Variants in VAMP7 observed in about 807,000 individuals in gnomAD.
The protein encoded by VAMP7 is vesicle-associated membrane protein 7.
VAMP7 carries 14 observed loss-of-function variants against 29.6 expected under a neutral mutation model. The observed-to-expected ratio is 0.47, with a 90% confidence interval of 0.31 to 0.74. The LOEUF (loss-of-function observed/expected upper bound fraction) is 0.74. Ranked by LOEUF, VAMP7 falls within the 30% of genes least tolerant of loss-of-function variation. VAMP7 has a pLI of 0.05. For synonymous variants in VAMP7, 95 were observed against 88.1 expected (o/e 1.08, Z -0.44); for missense variants, 223 against 262.4 (o/e 0.85, Z 1.04).
At position 155,893,221 on chromosome X, in the gene VAMP7, G is replaced by A. The variant is rs750896554; in HGVS notation, c.147-2402G>A. ...GGGGAAAGTGATGACTTTCATTCTG[G>A]GCATGTCATGTTTAAGCTGTCTATG... On this transcript the variant is annotated intron_variant, in intron 2 of 7. Coordinates refer to ENST00000286448, the MANE Select transcript of VAMP7 (RefSeq NM_005638.6). 7.9e-5 allele frequency among the ~76,000 whole-genome samples: 12 copies of A among 152,122 alleles called. 1 individual carries two copies. In the South Asian group the frequency reaches 2.5e-3, roughly 32 times the overall value.
intron 6 of VAMP7, among the ~76,000 whole-genome samples, chrX:155,928,886 G>A (rs1486637255): frequency 6.6e-6 from 1 of 152,272 alleles, no homozygotes; most frequent in Non-Finnish European, 1.5e-5. Flanking sequence ...GGATTTATTA[G>A]TTTCATTCCT....
At chrX:155,936,806 C>T (rs771315918) in intron 6 of VAMP7, among the ~76,000 whole-genome samples, 35 of 152,194 alleles carry the variant, frequency 2.3e-4, no homozygotes, top group Non-Finnish European at 4.1e-4. Context: ...TGGAGCTGTT[C>T]CTATTTGGCC....
chrX:155,922,809 G>A (rs1241500574), intron 6 of VAMP7, among the ~76,000 whole-genome samples: 2 of 151,976 alleles, frequency 1.3e-5, no homozygotes, highest in East Asian at 1.9e-4. Context: ...AGCAGATTGG[G>A]CCTCGAGTTT....
intron 4 of VAMP7, among the ~76,000 whole-genome samples, chrX:155,899,850 CAT>C (rs1226342344): frequency 6.6e-6 from 1 of 152,026 alleles, no homozygotes; most frequent in Non-Finnish European, 1.5e-5. Flanking sequence ...AGCATCGTTT[CAT>C]AGAGTTTTGG....
intron 6 of VAMP7, among the ~76,000 whole-genome samples, chrX:155,920,540 G>C (rs1482805514): frequency 2.6e-5 from 4 of 152,170 alleles, no homozygotes; most frequent in Non-Finnish European, 5.9e-5. Flanking sequence ...TTTACACCTT[G>C]AAAGAAAACA....
At chrX:155,934,028 C>G (rs2066608118) in intron 6 of VAMP7, among the ~76,000 whole-genome samples, 2 of 152,176 alleles carry the variant, frequency 1.3e-5, no homozygotes, top group Non-Finnish European at 2.9e-5. Flanking sequence ...GTTTCTTAAT[C>G]TTGAGTTCTA....
chrX:155,934,735 C>T (rs2066620771), intron 6 of VAMP7, among the ~76,000 whole-genome samples: 1 of 152,058 alleles, frequency 6.6e-6, no homozygotes, highest in African/African-American at 2.4e-5. Context: ...GAATTTGATC[C>T]TGTCATTATG....
chrX:155,898,949 A>G (rs2066023568), intron 4 of VAMP7, among the ~76,000 whole-genome samples: 1 of 152,014 alleles, frequency 6.6e-6, no homozygotes, highest in Admixed American at 6.6e-5. Flanking sequence ...GGCTCTTGAT[A>G]TTCTTCCATG....
chrX:155,907,689 A>G (rs935686577), intron 5 of VAMP7, among the ~76,000 whole-genome samples: 5 of 152,082 alleles, frequency 3.3e-5, no homozygotes, highest in African/African-American at 1.2e-4. Context: ...TCACAGACAC[A>G]GCAACCATCC....
intron 7 of VAMP7, among the ~76,000 whole-genome samples, chrX:155,940,745 T>C (rs2066732145): frequency 6.6e-6 from 1 of 152,206 alleles, no homozygotes; most frequent in Non-Finnish European, 1.5e-5. Context: ...TAGTCAACTT[T>C]ACATCAAGTT....
At chrX:155,940,702 C>T (rs2066731410) in intron 7 of VAMP7, among the ~76,000 whole-genome samples, 1 of 152,150 alleles carries the variant, frequency 6.6e-6, no homozygotes, top group African/African-American at 2.4e-5. Flanking sequence ...TGTACTTCAG[C>T]TTGAAAAATC....
intron 6 of VAMP7, among the ~76,000 whole-genome samples, chrX:155,932,651 A>G (rs1359076808): frequency 1.3e-5 from 2 of 152,182 alleles, no homozygotes; most frequent in East Asian, 1.9e-4. Flanking sequence ...GTCATCTGCA[A>G]ACAGGGACAA....
intron 5 of VAMP7, among the ~76,000 whole-genome samples, chrX:155,902,299 T>C (rs1390343869): frequency 6.6e-6 from 1 of 151,974 alleles, no homozygotes; most frequent in Non-Finnish European, 1.5e-5. Context: ...AGATATACAA[T>C]CATGTCATCT....
intron 5 of VAMP7, among the ~76,000 whole-genome samples, chrX:155,910,284 C>G: frequency 6.6e-6 from 1 of 152,284 alleles, no homozygotes; most frequent in East Asian, 1.9e-4. Flanking sequence ...AATGGCATGA[C>G]TTCATTCTAT....
chrX:155,910,527 TCCACACTGGTTTCCATAGTAG>T (rs910543304), intron 5 of VAMP7, among the ~76,000 whole-genome samples: 3 of 152,014 alleles, frequency 2.0e-5, no homozygotes, highest in Admixed American at 6.6e-5. Context: ...TGGGGAAATC[TCCACACTGGTTTCCATAGTAG>T]CTGCACTAGT....
intron 5 of VAMP7, among the ~76,000 whole-genome samples, chrX:155,907,696 A>G (rs1055494221): frequency 2.0e-5 from 3 of 152,060 alleles, no homozygotes; most frequent in African/African-American, 4.8e-5. Context: ...CACAGCAACC[A>G]TCCGATTTCT....
At chrX:155,940,069 TG>T (rs5904418) in intron 7 of VAMP7, among the ~76,000 whole-genome samples, 152,175 of 152,178 alleles carry the variant, frequency 1, 76,086 homozygotes, top group Non-Finnish European at 1. Context: ...AAGACATTTC[TG>T]GTTTATATGT....
chrX:155,915,482 C>T (rs1193176979), intron 5 of VAMP7, among the ~76,000 whole-genome samples: 1 of 152,184 alleles, frequency 6.6e-6, no homozygotes, highest in Admixed American at 6.5e-5. Flanking sequence ...ATCTTTCCCA[C>T]TTTTTGCTGT....
At chrX:155,921,068 A>C (rs2066388734) in intron 6 of VAMP7, among the ~76,000 whole-genome samples, 1 of 152,142 alleles carries the variant, frequency 6.6e-6, no homozygotes, top group Non-Finnish European at 1.5e-5. Flanking sequence ...TTTCTTTGAT[A>C]CTTCCAGGCT....
Sources: allele counts gnomAD v4.1 joint callset (sites outside exome capture counted in the v4.1 genomes callset), GRCh38; gene constraint gnomAD v4.1.1; transcripts MANE v1.5; gene names NCBI Gene and HGNC (gene_info 2026-07-23, HGNC 2026-07-21).